The following CNTNAP2 variants were observed in gnomAD, a reference collection of about 807,000 sequenced individuals.
The protein encoded by CNTNAP2 is contactin associated protein 2.
A neutral mutation model predicts 155.2 loss-of-function variants in CNTNAP2; 98 were observed. The observed-to-expected ratio is 0.63, with a 90% CI of 0.54 to 0.75. The LOEUF is 0.75. Ranked by LOEUF, CNTNAP2 falls within the 30% of genes least tolerant of loss-of-function variation. The pLI, the probability that CNTNAP2 is intolerant of heterozygous loss-of-function variation, is 0.00. For missense variants in CNTNAP2, 1,727 were observed against 1,688.1 expected (o/e 1.02, Z -0.40); for synonymous variants, 651 against 631.2 (o/e 1.03, Z -0.47).
At chr7:146,219,504 T>C (rs1424054980) in intron 1 of CNTNAP2, among the ~76,000 whole-genome samples, 1 of 152,182 alleles carries the variant, frequency 6.6e-6, no homozygotes, top group Admixed American at 6.5e-5. Context: ...TATTGTAAAC[T>C]TTTCCATCTT....
At chr7:148,043,145 C>T (rs1055216069) in intron 15 of CNTNAP2, among the ~76,000 whole-genome samples, 3 of 152,214 alleles carry the variant, frequency 2.0e-5, no homozygotes, top group African/African-American at 7.2e-5. Context: ...TGCCACCTCC[C>T]AGTGAGTCAC....
At chr7:146,970,056 A>C (rs370891036) in intron 3 of CNTNAP2, among the ~76,000 whole-genome samples, 1 of 152,192 alleles carries the variant, frequency 6.6e-6, no homozygotes, top group African/African-American at 2.4e-5. Flanking sequence ...TACAAAAATT[A>C]ATTCAAGATG....
intron 22 of CNTNAP2, among the ~76,000 whole-genome samples, chr7:148,407,251 T>A (rs1481299471): frequency 6.6e-6 from 1 of 152,240 alleles, no homozygotes; most frequent in African/African-American, 2.4e-5. Context: ...GATCTTTGCA[T>A]TCTTGGGCTG....
chr7:148,044,335 C>T (rs970565346), intron 15 of CNTNAP2, among the ~76,000 whole-genome samples: 5 of 151,838 alleles, frequency 3.3e-5, no homozygotes, highest in South Asian at 2.1e-4. Flanking sequence ...TCCTGGCAGA[C>T]GGCCTGATGC....
chr7:147,442,763 G>A (rs998602313), intron 10 of CNTNAP2, among the ~76,000 whole-genome samples: 1 of 152,072 alleles, frequency 6.6e-6, no homozygotes, highest in Non-Finnish European at 1.5e-5. Flanking sequence ...GAATGAGAAG[G>A]TTGCTCTCTG....
chr7:147,505,107 C>A (rs1219211060), intron 11 of CNTNAP2, among the ~76,000 whole-genome samples: 1 of 152,080 alleles, frequency 6.6e-6, no homozygotes, highest in Non-Finnish European at 1.5e-5. Flanking sequence ...GATTCAAATG[C>A]TGCAAAGCTC....
chr7:146,444,478 A>G (rs1033307188), intron 1 of CNTNAP2, among the ~76,000 whole-genome samples: 1 of 152,176 alleles, frequency 6.6e-6, no homozygotes, highest in Admixed American at 6.5e-5. Flanking sequence ...CTAGGTGGAT[A>G]GATACATCCT....
At chr7:146,565,443 T>A (rs1477308334) in intron 1 of CNTNAP2, among the ~76,000 whole-genome samples, 1 of 152,106 alleles carries the variant, frequency 6.6e-6, no homozygotes, top group African/African-American at 2.4e-5. Flanking sequence ...TTTCCAGGGA[T>A]CCGTTAAGTG....
intron 8 of CNTNAP2, among the ~76,000 whole-genome samples, chr7:147,220,137 G>C (rs953097028): frequency 1.3e-5 from 2 of 151,678 alleles, no homozygotes; most frequent in African/African-American, 4.8e-5. Context: ...ATTGCACTGG[G>C]GATTAAGTTT....
chr7:148,100,405 A>G (rs993299021), intron 15 of CNTNAP2, among the ~76,000 whole-genome samples: 9 of 152,214 alleles, frequency 5.9e-5, no homozygotes, highest in Non-Finnish European at 1.0e-4. Flanking sequence ...GCAAATACAC[A>G]CACATACAGA....
chr7:146,154,733 T>C (rs755207258), intron 1 of CNTNAP2, among the ~76,000 whole-genome samples: 3 of 152,192 alleles, frequency 2.0e-5, no homozygotes, highest in Non-Finnish European at 4.4e-5. Flanking sequence ...TGGACCTGCC[T>C]CATCAGCTCT....
At chr7:147,272,096 T>C (rs1230486993) in intron 8 of CNTNAP2, among the ~76,000 whole-genome samples, 3 of 152,168 alleles carry the variant, frequency 2.0e-5, no homozygotes, top group African/African-American at 7.2e-5. Flanking sequence ...TCTCACCATG[T>C]TGGCCAGGCT....
At chr7:146,783,997 G>T (rs1207465805) in intron 2 of CNTNAP2, among the ~76,000 whole-genome samples, 2 of 152,088 alleles carry the variant, frequency 1.3e-5, no homozygotes, top group Non-Finnish European at 2.9e-5. Flanking sequence ...ATCTCCCATG[G>T]TTTCACTACT....
chr7:148,096,426 A>C (rs1285003197), intron 15 of CNTNAP2, among the ~76,000 whole-genome samples: 1 of 152,160 alleles, frequency 6.6e-6, no homozygotes, highest in Non-Finnish European at 1.5e-5. Context: ...GATACATGAA[A>C]TCATAGAAAT....
At chr7:148,304,298 G>C (rs1797449695) in intron 21 of CNTNAP2, among the ~76,000 whole-genome samples, 1 of 152,002 alleles carries the variant, frequency 6.6e-6, no homozygotes, top group Non-Finnish European at 1.5e-5. Context: ...TGCTGCCTCT[G>C]ATAATACATA....
intron 18 of CNTNAP2, among the ~76,000 whole-genome samples, chr7:148,198,805 G>A (rs1367406495): frequency 6.6e-6 from 1 of 152,222 alleles, no homozygotes; most frequent in East Asian, 1.9e-4. Flanking sequence ...ACATATTTAG[G>A]AGGATGGAAT....
chr7:147,486,003 G>A lies in CNTNAP2; in HGVS notation c.1739G>A (p.Cys580Tyr). Residue 580 changes from cysteine (C) to tyrosine (Y), a missense_variant, in exon 11 of 24, where the codon TGT becomes TAT. By Grantham distance (194) the Cys-to-Tyr change is radical (BLOSUM62 -2). Coordinates refer to ENST00000361727, the MANE Select transcript of CNTNAP2 (RefSeq NM_014141.6). ...SQTWDSFKCTCDETGYSGATC... is the reference protein window; with the variant it reads ...SQTWDSFKCTYDETGYSGATC... Reference sequence around the variant, plus strand: ...ACATGGGACAGCTTCAAATGCACTTGTGATGAGACAGGATACAGTGGGGCC... The same window carrying A: ...ACATGGGACAGCTTCAAATGCACTTATGATGAGACAGGATACAGTGGGGCC... 1.2e-6 allele frequency: 2 copies of A among 1,614,108 alleles called. No homozygotes were observed. Among genetic ancestry groups the A allele is most frequent in the Non-Finnish European group, 1.7e-6 (2 of 1,179,978 alleles).
chr7:147,532,769 A>T (rs896657959), intron 11 of CNTNAP2, among the ~76,000 whole-genome samples: 24 of 152,214 alleles, frequency 1.6e-4, no homozygotes, highest in Non-Finnish European at 2.8e-4. Flanking sequence ...AGGAAGAAGT[A>T]AAAGCAGAAA....
intron 1 of CNTNAP2, among the ~76,000 whole-genome samples, chr7:146,363,998 C>T (rs535386407): frequency 4.6e-5 from 7 of 152,076 alleles, no homozygotes; most frequent in Middle Eastern, 3.4e-3. Flanking sequence ...CTTTGATCAT[C>T]ATACAAGAGA....
Sources: allele counts gnomAD v4.1 joint callset (sites outside exome capture counted in the v4.1 genomes callset), GRCh38; gene constraint gnomAD v4.1.1; transcripts MANE v1.5; gene names NCBI Gene and HGNC (gene_info 2026-07-23, HGNC 2026-07-21).